The following CORIN variants were observed in gnomAD, a reference collection of about 807,000 sequenced individuals.
CORIN encodes the protein atrial natriuretic peptide-converting enzyme.
Under a neutral mutation model 125.3 loss-of-function variants are expected in CORIN, and 117 were observed. The ratio of observed to expected loss-of-function variants is 0.93; its 90% CI spans 0.80 to 1.09. The LOEUF (loss-of-function observed/expected upper bound fraction) is 1.09, where lower values mean the gene tolerates loss of function less well. CORIN is among the 50% of genes least tolerant of loss of function. The pLI is 0.00. For synonymous variants in CORIN, 450 were observed against 466.4 expected (o/e 0.96, Z 0.45); for missense variants, 1,253 against 1,306.7 (o/e 0.96, Z 0.63).
chr4:47,770,472 T>A (rs1729974924), intron 3 of CORIN, among the ~76,000 whole-genome samples: 1 of 152,118 alleles, frequency 6.6e-6, no homozygotes, highest in African/African-American at 2.4e-5. Context: ...TGGACATTCC[T>A]CCCAAAAATT....
At chr4:47,804,726 GGGGGT>G (rs1577937762) in intron 2 of CORIN, among the ~76,000 whole-genome samples, 3 of 138,298 alleles carry the variant, frequency 2.2e-5, no homozygotes, top group East Asian at 2.5e-4. Flanking sequence ...AAGGATGGTG[GGGGGT>G]GGGGAGGGGG....
intron 4 of CORIN, among the ~76,000 whole-genome samples, chr4:47,760,464 A>G (rs1024210898): frequency 6.6e-6 from 1 of 152,220 alleles, no homozygotes; most frequent in Non-Finnish European, 1.5e-5. Context: ...AGTTTGATGT[A>G]AAGGCATGGA....
chr4:47,760,104 T>C (rs2109864931), intron 4 of CORIN, among the ~76,000 whole-genome samples: 1 of 152,324 alleles, frequency 6.6e-6, no homozygotes, highest in Admixed American at 6.5e-5. Context: ...TCACAATCTA[T>C]CTATAGCAGC....
At chr4:47,676,588 G>A (rs775260231) in intron 9 of CORIN, among the ~76,000 whole-genome samples, 7 of 152,078 alleles carry the variant, frequency 4.6e-5, no homozygotes, top group East Asian at 1.9e-4. Flanking sequence ...CTCCATCAGC[G>A]GTTTTGCTTA....
intron 1 of CORIN, among the ~76,000 whole-genome samples, chr4:47,831,860 A>G (rs1733023745): frequency 6.6e-6 from 1 of 152,184 alleles, no homozygotes; most frequent in African/African-American, 2.4e-5. Flanking sequence ...TAAATCCAAT[A>G]TGACTGATGT....
intron 12 of CORIN, among the ~76,000 whole-genome samples, chr4:47,659,510 G>A (rs1724149772): frequency 6.6e-6 from 1 of 152,172 alleles, no homozygotes; most frequent in Admixed American, 6.5e-5. Context: ...GAAGCTTACA[G>A]TCACAGTGAA....
chr4:47,683,437 A>C, intron 7 of CORIN: 1 of 245,948 alleles, frequency 4.1e-6, no homozygotes, highest in African/African-American at 2.3e-5. Context: ...CCAGAGGAGA[A>C]ACAGAACACA....
Position 47,763,543 on chromosome 4 carries a change from G to T in CORIN, c.453C>A (p.Pro151=). Residue 151 remains proline (P), a synonymous_variant, in exon 4 of 22, where the codon CCC becomes CCA. Transcript: ENST00000273857. ...GGAGAGGTGTCAGCGTGGCGTGGTAGGGCAGCATCTGACACTGGCTGTGGG... is the reference window on the plus strand; with the variant it reads ...GGAGAGGTGTCAGCGTGGCGTGGTATGGCAGCATCTGACACTGGCTGTGGG... ...NITHSQCQML[P]YHATLTPLLS... 1 of 1,614,132 alleles carries T rather than the reference G, an allele frequency of 6.2e-7. No homozygotes were observed. Among genetic ancestry groups the T allele is most frequent in the Non-Finnish European group, 8.5e-7 (1 of 1,180,028 alleles).
chr4:47,779,592 T>G (rs916622214), intron 3 of CORIN, among the ~76,000 whole-genome samples: 3 of 152,112 alleles, frequency 2.0e-5, no homozygotes, highest in African/African-American at 7.2e-5. Flanking sequence ...TTTGCCACCA[T>G]GCCTGGATAA....
intron 19 of CORIN, among the ~76,000 whole-genome samples, chr4:47,623,096 C>CTCTCTCTCTATATATATA (rs771867590): frequency 4.8e-4 from 49 of 102,278 alleles, no homozygotes; most frequent in Non-Finnish European, 5.6e-4. Context: ...CTCTCTCTCT[C>CTCTCTCTCTATATATATA]TATATATATA....
chr4:47,827,795 C>T (rs1023638056), intron 1 of CORIN, among the ~76,000 whole-genome samples: 5 of 152,178 alleles, frequency 3.3e-5, no homozygotes, highest in African/African-American at 1.2e-4. Context: ...CACACTTCCT[C>T]AGCACCCAGA....
At chr4:47,800,140 A>G (rs961660125) in intron 2 of CORIN, among the ~76,000 whole-genome samples, 1 of 152,110 alleles carries the variant, frequency 6.6e-6, no homozygotes, top group Non-Finnish European at 1.5e-5. Flanking sequence ...TTGTTTTGAG[A>G]TGACAAAAAT....
intron 12 of CORIN, 26 bp from the exon 13 acceptor site, chr4:47,653,686 A>AG (rs1231578261): frequency 6.3e-7 from 1 of 1,582,904 alleles, no homozygotes; most frequent in Non-Finnish European, 8.7e-7. Context: ...TTACTGTTAA[A>AG]GGGCTGAAAA....
At chr4:47,678,142 C>A in intron 8 of CORIN, 88 bp from the exon 9 acceptor site, 1 of 896,246 alleles carries the variant, frequency 1.1e-6, no homozygotes, top group South Asian at 1.4e-5. Flanking sequence ...ATTTATCAAG[C>A]ATCGCTAAGA....
chr4:47,743,688 C>T (rs1330481342), intron 5 of CORIN, among the ~76,000 whole-genome samples: 2 of 152,180 alleles, frequency 1.3e-5, no homozygotes, highest in African/African-American at 2.4e-5. Flanking sequence ...AGTTCAAGAC[C>T]AGCCTGGCCA....
chr4:47,715,260 T>C (rs1459590213), intron 5 of CORIN, among the ~76,000 whole-genome samples: 4 of 152,368 alleles, frequency 2.6e-5, no homozygotes, highest in African/African-American at 9.6e-5. Flanking sequence ...GTAGTACTTT[T>C]ACATTAGAAC....
intron 4 of CORIN, among the ~76,000 whole-genome samples, chr4:47,748,532 T>G (rs575603865): frequency 6.6e-6 from 1 of 152,222 alleles, no homozygotes; most frequent in East Asian, 1.9e-4. Flanking sequence ...TAAATAATAC[T>G]ACAATATAGT....
At chr4:47,643,344 G>A in intron 14 of CORIN, 88 bp from the exon 15 acceptor site, 2 of 1,249,846 alleles carry the variant, frequency 1.6e-6, no homozygotes, top group South Asian at 1.5e-5. Flanking sequence ...GTGCCAGCAG[G>A]AGCATGGAAA....
At chr4:47,761,589 C>T (rs1355111223) in intron 4 of CORIN, among the ~76,000 whole-genome samples, 2 of 152,086 alleles carry the variant, frequency 1.3e-5, no homozygotes, top group African/African-American at 2.4e-5. Flanking sequence ...ACCTGGAGGA[C>T]ACTTCGTTAA....
Sources: allele counts gnomAD v4.1 joint callset (sites outside exome capture counted in the v4.1 genomes callset), GRCh38; gene constraint gnomAD v4.1.1; transcripts MANE v1.5; gene names NCBI Gene and HGNC (gene_info 2026-07-23, HGNC 2026-07-21).